RYR2: variants seen among roughly 807,000 people sequenced by gnomAD.
RYR2 encodes ryanodine receptor 2.
In RYR2, 227 loss-of-function variants were observed where a neutral mutation model predicts 601.1. That is an observed-to-expected ratio of 0.38 (90% confidence interval 0.34 to 0.42). The LOEUF is 0.42. Among genes scored for constraint, RYR2 ranks in the 10% least tolerant of loss-of-function variants. RYR2 has a pLI of 1.00. For missense variants in RYR2, 4,646 were observed against 6,156.5 expected (o/e 0.75, Z 8.21); for synonymous variants, 2,223 against 2,175.1 (o/e 1.02, Z -0.61).
chr1:237,589,707 G>A (rs1316996911), intron 29 of RYR2, 86 bp from the exon 30 acceptor site: 16 of 1,316,432 alleles, frequency 1.2e-5, no homozygotes, highest in Admixed American at 8.2e-5. Context: ...CACAAAGTTC[G>A]GTCCTGGAAC....
At chr1:237,307,261 A>G (rs186712279) in intron 2 of RYR2, among the ~76,000 whole-genome samples, 43 of 152,324 alleles carry the variant, frequency 2.8e-4, no homozygotes, top group Admixed American at 2.1e-3. Context: ...TAGAGAGTGT[A>G]GGTGATTTAC....
chr1:237,182,841 T>TA lies in RYR2; in HGVS notation c.49-87655dup, dbSNP rs1678935507. On this transcript the variant is annotated intron_variant, in intron 1 of 104. Coordinates refer to ENST00000366574, the MANE Select transcript of RYR2 (RefSeq NM_001035.3). The stretch of plus-strand genomic sequence containing the variant: ...AGCCAGAGGCCAGACATTTAGGCAT[T>TA]ACAGGCCAGCATAAGGAGTGTGGAT... Among the ~76,000 whole-genome samples the TA allele has an allele frequency of 4.6e-5, 7 of 152,332 alleles. No homozygotes were observed. The South Asian group carries it at 1.4e-3, about 32-fold the overall frequency.
At chr1:237,603,969 A>G (rs1200073916) in intron 35 of RYR2, among the ~76,000 whole-genome samples, 4 of 152,196 alleles carry the variant, frequency 2.6e-5, no homozygotes, top group Non-Finnish European at 5.9e-5. Flanking sequence ...ACACAATAAT[A>G]ATGGGAGACT....
chr1:237,219,335 C>G (rs759088956), intron 1 of RYR2, among the ~76,000 whole-genome samples: 1 of 152,060 alleles, frequency 6.6e-6, no homozygotes, highest in South Asian at 2.1e-4. Flanking sequence ...TATGTTAATC[C>G]GTCCATTCAC....
At chr1:237,355,934 T>A in intron 3 of RYR2, 31 bp from the exon 4 acceptor site, 1 of 1,580,544 alleles carries the variant, frequency 6.3e-7, no homozygotes, top group South Asian at 1.1e-5. Context: ...TTTGTTTGTT[T>A]GTTATTTATT....
intron 20 of RYR2, 102 bp from the exon 21 acceptor site, chr1:237,500,609 T>C (rs752083928): frequency 4.4e-5 from 40 of 916,928 alleles, no homozygotes; most frequent in Non-Finnish European, 6.2e-5. Context: ...ATGTTGTGCA[T>C]TGGTTTGTCA....
chr1:237,640,041 A>T (rs1296744483), intron 46 of RYR2, among the ~76,000 whole-genome samples: 1 of 152,080 alleles, frequency 6.6e-6, no homozygotes. Flanking sequence ...ACCATGCTAC[A>T]TGCTTATCAG....
At chr1:237,338,219 A>G (rs1697432087) in intron 3 of RYR2, among the ~76,000 whole-genome samples, 1 of 152,190 alleles carries the variant, frequency 6.6e-6, no homozygotes, top group Non-Finnish European at 1.5e-5. Flanking sequence ...TAGTTGAAAA[A>G]TGACTGAAAA....
At chr1:237,588,776 T>C (rs1183867214) in intron 29 of RYR2, among the ~76,000 whole-genome samples, 3 of 151,746 alleles carry the variant, frequency 2.0e-5, no homozygotes, top group Non-Finnish European at 4.4e-5. Flanking sequence ...GAGGTTGCAG[T>C]GAGCCAAGAT....
chr1:237,628,693 G>GT (rs890870269), intron 41 of RYR2, among the ~76,000 whole-genome samples: 21 of 150,954 alleles, frequency 1.4e-4, no homozygotes, highest in South Asian at 6.3e-4. Flanking sequence ...ATCTTTCAGT[G>GT]TTTTTTTTTA....
chr1:237,667,866 A>G lies in RYR2; in HGVS notation c.8515-17A>G. On this transcript the variant is annotated splice_polypyrimidine_tract_variant and intron_variant, in intron 57 of 104. Transcript: ENST00000366574. ...TTTTTTACTTATTGAAACGATAAAT[A>G]TTTTTGTTCATTTAAGGCTATGGCA... 2 of 1,544,192 alleles carry G rather than the reference A, an allele frequency of 1.3e-6. No individual in the cohort carries two copies. The highest frequency in any genetic ancestry group is 1.8e-6 in the Non-Finnish European group (2 of 1,141,858).
At chr1:237,055,837 T>C (rs1661932215) in intron 1 of RYR2, among the ~76,000 whole-genome samples, 4 of 152,188 alleles carry the variant, frequency 2.6e-5, no homozygotes, top group Admixed American at 2.6e-4. Flanking sequence ...CCTGGTCCTA[T>C]ATGACTAGTG....
intron 27 of RYR2, among the ~76,000 whole-genome samples, chr1:237,565,089 T>G (rs1671831103): frequency 6.6e-6 from 1 of 151,964 alleles, no homozygotes. Context: ...GGAACTTCCT[T>G]CTTCTCTTTT....
chr1:237,378,393 G>A (rs1228072723), intron 8 of RYR2, among the ~76,000 whole-genome samples: 1 of 152,288 alleles, frequency 6.6e-6, no homozygotes, highest in Non-Finnish European at 1.5e-5. Context: ...CAATACAGAA[G>A]TTTACAGTAA....
chr1:237,415,067 T>C (rs935941558), intron 10 of RYR2, among the ~76,000 whole-genome samples: 1 of 152,062 alleles, frequency 6.6e-6, no homozygotes, highest in Non-Finnish European at 1.5e-5. Flanking sequence ...GAGGGCAGGG[T>C]TGTAAACATC....
At chr1:237,582,852 T>G (rs1269889909) in intron 29 of RYR2, among the ~76,000 whole-genome samples, 1 of 152,124 alleles carries the variant, frequency 6.6e-6, no homozygotes, top group African/African-American at 2.4e-5. Flanking sequence ...TTTTTACTAT[T>G]CTGAATCGTG....
intron 1 of RYR2, among the ~76,000 whole-genome samples, chr1:237,243,734 A>T (rs1686464271): frequency 6.6e-6 from 1 of 152,214 alleles, no homozygotes; most frequent in Non-Finnish European, 1.5e-5. Context: ...AAGATCAGAG[A>T]GATTCTGTTT....
At chr1:237,526,113 T>C (rs1667567496) in intron 24 of RYR2, among the ~76,000 whole-genome samples, 8 of 152,194 alleles carry the variant, frequency 5.3e-5, no homozygotes, top group Admixed American at 3.3e-4. Context: ...CCCAAAGGGG[T>C]TGAACTAATT....
chr1:237,813,367 A>G (rs954165461), intron 100 of RYR2, among the ~76,000 whole-genome samples: 1 of 152,120 alleles, frequency 6.6e-6, no homozygotes, highest in Non-Finnish European at 1.5e-5. Flanking sequence ...ATTGCTAAAA[A>G]TTAATAGAAA....
Sources: gnomAD v4.1 joint callset for allele counts (sites outside exome capture counted in the v4.1 genomes callset) on GRCh38, gnomAD v4.1.1 for gene constraint, MANE v1.5 for transcripts, NCBI Gene and HGNC (gene_info 2026-07-23, HGNC 2026-07-21) for gene names.